SORCS2: variants seen among roughly 807,000 people sequenced by gnomAD.
SORCS2 encodes sortilin related VPS10 domain containing receptor 2.
In SORCS2, 100 loss-of-function variants were observed where a neutral mutation model predicts 141.6. The ratio of observed to expected loss-of-function variants is 0.71; its 90% CI spans 0.60 to 0.83. The LOEUF is 0.83. Ranked by LOEUF, SORCS2 falls within the 40% of genes least tolerant of loss-of-function variation. The pLI, the probability that SORCS2 is intolerant of heterozygous loss-of-function variation, is 0.00. For missense variants in SORCS2, 1,646 were observed against 1,560.2 expected, an observed-to-expected ratio of 1.05 and a Z score of -0.93; for synonymous variants, 789 against 676.9, an observed-to-expected ratio of 1.17 and a Z score of -2.57.
At chr4:7,553,601 A>G (rs976429369) in intron 3 of SORCS2, among the ~76,000 whole-genome samples, 1 of 152,188 alleles carries the variant, frequency 6.6e-6, no homozygotes, top group African/African-American at 2.4e-5. Context: ...GCCAACAGAG[A>G]GATGAGTGAG....
intron 1 of SORCS2, among the ~76,000 whole-genome samples, chr4:7,346,678 A>G (rs1209166944): frequency 2.0e-5 from 3 of 152,188 alleles, no homozygotes; most frequent in Admixed American, 6.5e-5. Flanking sequence ...CCTTCTTTCA[A>G]TTCTGTCAGT....
At position 7,718,101 on chromosome 4, in the gene SORCS2, G is replaced by A. The variant is rs760356538; in HGVS notation, c.2342G>A (p.Arg781Gln). The change falls in exon 18 of 27, where the codon CGG becomes CAG. Residue 781 changes from arginine (R) to glutamine (Q), a missense_variant. Transcript: ENST00000507866. ...CTGCAGTGCCCCCTCACGCCGCCCC[G>A]GGGCCTGCAGGTCAGCATTCAAGGC... is the stretch of plus-strand genomic sequence containing the variant. ...VQLQCPLTPP[R>Q]GLQVSIQGEA... is the part of the protein sequence containing the mutation. The A allele has an allele frequency of 7.1e-5, 115 of 1,611,416 alleles. No individual in the cohort carries two copies. Among genetic ancestry groups the A allele is most frequent in the South Asian group, 2.0e-4 (18 of 90,622 alleles).
chr4:7,577,620 T>C (rs932884767), intron 3 of SORCS2, among the ~76,000 whole-genome samples: 6 of 149,142 alleles, frequency 4.0e-5, no homozygotes, highest in African/African-American at 1.5e-4. Flanking sequence ...AGAAGTCATA[T>C]AGCATACAGG....
At chr4:7,530,824 T>C (rs1711573238) in intron 2 of SORCS2, among the ~76,000 whole-genome samples, 1 of 152,220 alleles carries the variant, frequency 6.6e-6, no homozygotes, top group Non-Finnish European at 1.5e-5. Flanking sequence ...GATTCTCACT[T>C]GGCCAGGAGG....
chr4:7,623,032 G>A (rs1485229228), intron 3 of SORCS2, among the ~76,000 whole-genome samples: 1 of 152,038 alleles, frequency 6.6e-6, no homozygotes, highest in Non-Finnish European at 1.5e-5. Context: ...TGGTTAGAGG[G>A]CAGATGAAGG....
chr4:7,199,890 G>T (rs922819667), intron 1 of SORCS2, among the ~76,000 whole-genome samples: 3 of 151,986 alleles, frequency 2.0e-5, no homozygotes, highest in Non-Finnish European at 2.9e-5. Context: ...CTGACCTAAG[G>T]TGCCCTGCCT....
intron 2 of SORCS2, among the ~76,000 whole-genome samples, chr4:7,460,526 G>A (rs1309141870): frequency 6.6e-6 from 1 of 152,224 alleles, no homozygotes; most frequent in Admixed American, 6.5e-5. Context: ...TGTGTCTAGA[G>A]CCGCTCCAAG....
At chr4:7,538,844 G>C (rs780750370) in intron 3 of SORCS2, among the ~76,000 whole-genome samples, 1 of 152,214 alleles carries the variant, frequency 6.6e-6, no homozygotes, top group Non-Finnish European at 1.5e-5. Context: ...AATGAATCAA[G>C]TGAAAATTTT....
intron 14 of SORCS2, among the ~76,000 whole-genome samples, chr4:7,710,006 G>C (rs534163404): frequency 6.6e-6 from 1 of 152,274 alleles, no homozygotes; most frequent in Admixed American, 6.5e-5. Context: ...GAATTAACTA[G>C]ATGGCAGCTC....
intron 3 of SORCS2, among the ~76,000 whole-genome samples, chr4:7,574,898 C>A (rs1715647790): frequency 6.6e-6 from 1 of 152,232 alleles, no homozygotes; most frequent in South Asian, 2.1e-4. Context: ...TTTACACCGC[C>A]CATTCTGCAG....
chr4:7,694,024 G>A (rs760086334), intron 11 of SORCS2, among the ~76,000 whole-genome samples: 17 of 152,234 alleles, frequency 1.1e-4, no homozygotes, highest in Non-Finnish European at 2.4e-4. Flanking sequence ...CTTGGTGATC[G>A]CCGGTGCTCC....
At position 7,193,204 on chromosome 4, in the gene SORCS2, C is replaced by T; in HGVS notation, c.480+78C>T. 7.3e-7 allele frequency: 1 copy of T among 1,367,804 alleles called. No homozygotes were observed. The highest frequency in any genetic ancestry group is 3.3e-5 in the Admixed American group (1 of 30,290). 84.7% of individuals were successfully genotyped at this position (1,367,804 alleles called of 1,614,324 possible). A position where few individuals can be genotyped will look rare whatever the true frequency, so the allele number is the denominator to read the frequency against. Reference sequence around the variant, plus strand: ...ACCCGGGCGGGACCGCCACGGCCCCCACCCCAGATCCCCACTATGGTCATC... The same window carrying T: ...ACCCGGGCGGGACCGCCACGGCCCCTACCCCAGATCCCCACTATGGTCATC... On this transcript the variant is annotated intron_variant, in intron 1 of 26. Coordinates refer to ENST00000507866, the MANE Select transcript of SORCS2 (RefSeq NM_020777.3). This position sits in a 1 kb window ranked among gnomAD's most constrained non-coding sequence, Gnocchi z 4.8.
At chr4:7,211,593 G>A (rs1364160694) in intron 1 of SORCS2, among the ~76,000 whole-genome samples, 1 of 152,090 alleles carries the variant, frequency 6.6e-6, no homozygotes, top group Non-Finnish European at 1.5e-5. Context: ...GGCTGGTCTC[G>A]AACTCCTGAT....
rs567519202 is a variant in SORCS2 at position 7,408,579 on chromosome 4, A to C, written c.548+12224A>C. On this transcript the variant is annotated intron_variant, in intron 2 of 26. Transcript: ENST00000507866. ...TTTGATTATTATATGCCTTGGGGGT[A>C]GTCTTGTTTGGGTTGAATCTGTTTG... Among the ~76,000 whole-genome samples the C allele has an allele frequency of 3.9e-5, 6 of 152,106 alleles. No individual in the cohort carries two copies. The East Asian group carries it at 1.2e-3, about 29-fold the overall frequency.
intron 8 of SORCS2, among the ~76,000 whole-genome samples, chr4:7,667,738 C>T (rs1159428330): frequency 6.6e-6 from 1 of 152,216 alleles, no homozygotes; most frequent in Non-Finnish European, 1.5e-5. Context: ...ATTGCCTTTC[C>T]CTTGCCTTAG....
At chr4:7,578,779 A>T (rs992371844) in intron 3 of SORCS2, among the ~76,000 whole-genome samples, 1 of 152,186 alleles carries the variant, frequency 6.6e-6, no homozygotes, top group African/African-American at 2.4e-5. Context: ...GTAAAATAAA[A>T]CACACGGAGG....
At chr4:7,324,503 G>A (rs191614192) in intron 1 of SORCS2, among the ~76,000 whole-genome samples, 50 of 152,338 alleles carry the variant, frequency 3.3e-4, no homozygotes, top group Middle Eastern at 3.4e-3. Flanking sequence ...GGAACTGCGC[G>A]GGGTTAGTCC....
chr4:7,611,472 G>A (rs80238620), intron 3 of SORCS2, among the ~76,000 whole-genome samples: 2,894 of 152,236 alleles, frequency 0.019, 105 homozygotes, highest in African/African-American at 0.067. Flanking sequence ...CCCAGCCCAG[G>A]AGCTGTTGGG....
intron 1 of SORCS2, among the ~76,000 whole-genome samples, chr4:7,376,529 A>G (rs565610009): frequency 3.9e-4 from 60 of 152,322 alleles, no homozygotes; most frequent in African/African-American, 1.3e-3. Context: ...ATGAGCCAAG[A>G]TTGCGCCACT....
Sources: gnomAD v4.1 joint callset for allele counts (sites outside exome capture counted in the v4.1 genomes callset) on GRCh38, gnomAD v4.1.1 for gene constraint, Gnocchi (gnomAD v3.1) non-coding constraint, MANE v1.5 for transcripts, NCBI Gene and HGNC (gene_info 2026-07-23, HGNC 2026-07-21) for gene names.